SGCD: variants seen among roughly 807,000 people sequenced by gnomAD.
The protein encoded by SGCD is delta-sarcoglycan.
A neutral mutation model predicts 36.6 loss-of-function variants in SGCD; 18 were observed. That is an observed-to-expected ratio of 0.49 (90% CI 0.34 to 0.73). SGCD has a LOEUF of 0.73. SGCD is among the 30% of genes least tolerant of loss of function. SGCD has a pLI of 0.01. For missense variants in SGCD, 387 were observed against 346.7 expected, an observed-to-expected ratio of 1.12 and a Z score of -0.92; for synonymous variants, 133 against 130.6, an observed-to-expected ratio of 1.02 and a Z score of -0.12.
chr5:156,755,369 G>A (rs889190579), intron 7 of SGCD, among the ~76,000 whole-genome samples: 3 of 152,188 alleles, frequency 2.0e-5, no homozygotes, highest in African/African-American at 7.2e-5. Flanking sequence ...ATCGACATTA[G>A]TGGAAACAGA....
chr5:156,083,832 CCTGTCAATGTCCCGTTGCT>C (rs1439221730), intron 1 of SGCD, among the ~76,000 whole-genome samples: 2 of 149,336 alleles, frequency 1.3e-5, no homozygotes, highest in Non-Finnish European at 3.0e-5. Context: ...TCTTTTTTTG[CCTGTCAATGTCCCGTTGCT>C]CCAGTAACAT....
intron 3 of SGCD, among the ~76,000 whole-genome samples, chr5:156,436,649 C>T (rs1007212095): frequency 2.0e-5 from 3 of 152,186 alleles, no homozygotes; most frequent in Non-Finnish European, 2.9e-5. Flanking sequence ...TCCACATTTC[C>T]GTGTGAGTCC....
chr5:156,261,344 T>G (rs1483699193), intron 3 of SGCD, among the ~76,000 whole-genome samples: 2 of 152,208 alleles, frequency 1.3e-5, no homozygotes, highest in African/African-American at 4.8e-5. Flanking sequence ...CTTTTATTAT[T>G]ATTTCTATTA....
chr5:156,072,082 C>G (rs1213287894), intron 1 of SGCD, among the ~76,000 whole-genome samples: 2 of 152,108 alleles, frequency 1.3e-5, no homozygotes, highest in Non-Finnish European at 2.9e-5. Context: ...GACTCTTTAT[C>G]CAATTTGCCA....
At chr5:156,092,450 A>G (rs1295623911) in intron 1 of SGCD, among the ~76,000 whole-genome samples, 1 of 152,200 alleles carries the variant, frequency 6.6e-6, no homozygotes, top group Non-Finnish European at 1.5e-5. Flanking sequence ...TCTACATATC[A>G]TAGCAGAACT....
At chr5:156,148,925 G>A (rs971506797) in intron 3 of SGCD, among the ~76,000 whole-genome samples, 4 of 152,220 alleles carry the variant, frequency 2.6e-5, no homozygotes, top group East Asian at 1.9e-4. Flanking sequence ...TGCTTTTATC[G>A]TTCCATCAGA....
chr5:156,041,323 T>G (rs2127578340), intron 1 of SGCD, among the ~76,000 whole-genome samples: 1 of 152,198 alleles, frequency 6.6e-6, no homozygotes, highest in East Asian at 1.9e-4. Flanking sequence ...GTCCAGTTCC[T>G]TCCTTACTGG....
At chr5:156,611,502 T>A (rs957916380) in intron 6 of SGCD, among the ~76,000 whole-genome samples, 13 of 152,246 alleles carry the variant, frequency 8.5e-5, no homozygotes, top group African/African-American at 2.9e-4. Context: ...TTTTCTTATT[T>A]ATGACTTGAC....
At chr5:155,833,438 GTGA>G in the SGCD span, among the ~76,000 whole-genome samples, 1 of 152,162 alleles carries the variant, frequency 6.6e-6, no homozygotes, top group Non-Finnish European at 1.5e-5. Context: ...TTTTCTGGTA[GTGA>G]TGGGCCTTCA....
chr5:155,876,283 G>A (rs1755766854), intron 1 of SGCD, among the ~76,000 whole-genome samples: 1 of 142,242 alleles, frequency 7.0e-6, no homozygotes, highest in African/African-American at 2.6e-5. Flanking sequence ...TTGTTTTGAA[G>A]CTTACGTAGA....
intron 3 of SGCD, among the ~76,000 whole-genome samples, chr5:156,402,910 C>G (rs1186328088): frequency 6.6e-6 from 1 of 152,148 alleles, no homozygotes; most frequent in African/African-American, 2.4e-5. Context: ...CTCAGTATTG[C>G]TGGATCATAT....
At chr5:156,108,041 A>G (rs1761691756) in intron 1 of SGCD, among the ~76,000 whole-genome samples, 1 of 152,092 alleles carries the variant, frequency 6.6e-6, no homozygotes, top group African/African-American at 2.4e-5. Flanking sequence ...ATTTTATAAA[A>G]GGAATGAAGT....
intron 3 of SGCD, among the ~76,000 whole-genome samples, chr5:156,346,682 G>T (rs536849795): frequency 6.6e-6 from 1 of 152,278 alleles, no homozygotes; most frequent in South Asian, 2.1e-4. Flanking sequence ...TTTCCATGGG[G>T]TTGTAGGCAT....
At chr5:156,333,243 A>G (rs1002154347) in intron 2 of SGCD, among the ~76,000 whole-genome samples, 6 of 152,194 alleles carry the variant, frequency 3.9e-5, no homozygotes, top group Non-Finnish European at 7.4e-5. Flanking sequence ...CTATAGAAGG[A>G]TGTGCCTAAT....
chr5:156,135,385 C>T (rs1581120976), intron 3 of SGCD, among the ~76,000 whole-genome samples: 3 of 152,246 alleles, frequency 2.0e-5, no homozygotes, highest in East Asian at 3.9e-4. Flanking sequence ...TCACCTCTCT[C>T]ACTAGGCCAG....
chr5:155,885,926 C>G (rs907880870), intron 1 of SGCD, among the ~76,000 whole-genome samples: 20 of 152,328 alleles, frequency 1.3e-4, no homozygotes, highest in Middle Eastern at 3.4e-3. Flanking sequence ...TCCTAACTTT[C>G]CTGACTGAAT....
At chr5:156,456,250 G>A (rs1754254177) in intron 3 of SGCD, among the ~76,000 whole-genome samples, 1 of 152,164 alleles carries the variant, frequency 6.6e-6, no homozygotes, top group Non-Finnish European at 1.5e-5. Context: ...AATGTTGGTA[G>A]ATGTGTACAT....
chr5:156,544,819 G>A (rs1758498332), intron 4 of SGCD, among the ~76,000 whole-genome samples: 1 of 152,024 alleles, frequency 6.6e-6, no homozygotes, highest in Admixed American at 6.5e-5. Context: ...CTCATATATT[G>A]TCACCCTTAT....
intron 1 of SGCD, among the ~76,000 whole-genome samples, chr5:155,898,137 C>A (rs930884595): frequency 6.6e-6 from 1 of 152,168 alleles, no homozygotes; most frequent in African/African-American, 2.4e-5. Flanking sequence ...TTTGTAACCT[C>A]TAAGAAATTT....
Sources: allele counts gnomAD v4.1 joint callset (sites outside exome capture counted in the v4.1 genomes callset), GRCh38; gene constraint gnomAD v4.1.1; transcripts MANE v1.5; gene names NCBI Gene and HGNC (gene_info 2026-07-23, HGNC 2026-07-21).